CNTNAP2: variants seen among roughly 807,000 people sequenced by gnomAD.
The protein encoded by CNTNAP2 is contactin-associated protein-like 2.
A neutral mutation model predicts 155.2 loss-of-function variants in CNTNAP2; 98 were observed. The ratio of observed to expected loss-of-function variants is 0.63; its 90% CI spans 0.54 to 0.75. The LOEUF is 0.75. Ranked by LOEUF, CNTNAP2 falls within the 30% of genes least tolerant of loss-of-function variation. The probability of loss-of-function intolerance (pLI) is 0.00; values close to 1 mark genes in which losing one functional copy is unlikely to be tolerated. For synonymous variants in CNTNAP2, 651 were observed against 631.2 expected, an observed-to-expected ratio of 1.03 and a Z score of -0.47; for missense variants, 1,727 against 1,688.1, an observed-to-expected ratio of 1.02 and a Z score of -0.40.
intron 21 of CNTNAP2, among the ~76,000 whole-genome samples, chr7:148,282,153 CAA>C (rs1796985775): frequency 6.6e-6 from 1 of 152,114 alleles, no homozygotes; most frequent in Non-Finnish European, 1.5e-5. Context: ...AATATACTGT[CAA>C]TATCAGAATA....
intron 21 of CNTNAP2, among the ~76,000 whole-genome samples, chr7:148,280,036 T>C (rs1012766758): frequency 2.0e-5 from 3 of 152,098 alleles, no homozygotes; most frequent in Non-Finnish European, 2.9e-5. Flanking sequence ...AGGCCGGGCA[T>C]GGTGGCTGAC....
chr7:146,635,674 C>T (rs1799585718), intron 1 of CNTNAP2, among the ~76,000 whole-genome samples: 1 of 152,010 alleles, frequency 6.6e-6, no homozygotes, highest in Non-Finnish European at 1.5e-5. Flanking sequence ...CAGCAAAGCC[C>T]GTATGCTCCA....
At chr7:146,735,418 T>G (rs1407943308) in intron 1 of CNTNAP2, among the ~76,000 whole-genome samples, 2 of 151,914 alleles carry the variant, frequency 1.3e-5, no homozygotes, top group Non-Finnish European at 2.9e-5. Context: ...AGCCAGGCGT[T>G]GTGGCGGGGG....
intron 3 of CNTNAP2, among the ~76,000 whole-genome samples, chr7:146,963,551 C>T (rs927654151): frequency 2.0e-5 from 3 of 151,936 alleles, no homozygotes; most frequent in African/African-American, 7.3e-5. Flanking sequence ...CCCTTGTAAC[C>T]TGCTTATTTC....
At chr7:146,292,669 A>G (rs1800450450) in intron 1 of CNTNAP2, among the ~76,000 whole-genome samples, 1 of 152,146 alleles carries the variant, frequency 6.6e-6, no homozygotes. Context: ...AGATGTCTGC[A>G]CTCCCATGGT....
chr7:147,104,873 CATATATATAT>C (rs56674675), intron 4 of CNTNAP2, among the ~76,000 whole-genome samples: 1,051 of 101,332 alleles, frequency 0.01, 8 homozygotes, highest in South Asian at 0.032. Context: ...CTTCCTCCCT[CATATATATAT>C]ATATATATAT....
At chr7:146,740,245 T>C (rs1436051302) in intron 1 of CNTNAP2, among the ~76,000 whole-genome samples, 1 of 151,950 alleles carries the variant, frequency 6.6e-6, no homozygotes, top group Non-Finnish European at 1.5e-5. Context: ...ATGCTCTCTA[T>C]TGTATTGTTT....
chr7:146,174,870 G>A (rs1240424290), intron 1 of CNTNAP2, among the ~76,000 whole-genome samples: 1 of 151,958 alleles, frequency 6.6e-6, no homozygotes, highest in African/African-American at 2.4e-5. Flanking sequence ...TATAAAGAAA[G>A]CACCCAGAGG....
chr7:147,524,023 C>T (rs1799273585), intron 11 of CNTNAP2, among the ~76,000 whole-genome samples: 2 of 152,168 alleles, frequency 1.3e-5, no homozygotes, highest in South Asian at 4.1e-4. Flanking sequence ...AGCTGCAGTT[C>T]CACAGATGAC....
intron 1 of CNTNAP2, among the ~76,000 whole-genome samples, chr7:146,237,063 A>G (rs879171664): frequency 6.6e-6 from 1 of 152,206 alleles, no homozygotes; most frequent in Admixed American, 6.5e-5. Context: ...GGGGGGAGCT[A>G]AAACAAGACA....
chr7:146,441,072 C>T (rs2129119452), intron 1 of CNTNAP2, among the ~76,000 whole-genome samples: 1 of 151,538 alleles, frequency 6.6e-6, no homozygotes, highest in East Asian at 1.9e-4. Flanking sequence ...TTCACTTACT[C>T]ATAAGTTGAA....
chr7:147,793,267 G>A (rs966073400), intron 13 of CNTNAP2, among the ~76,000 whole-genome samples: 4 of 152,118 alleles, frequency 2.6e-5, no homozygotes, highest in Middle Eastern at 3.4e-3. Flanking sequence ...CTAATTCAAA[G>A]ACATGAAGAC....
chr7:147,132,468 A>G lies in CNTNAP2; in HGVS notation c.1307A>G (p.Asn436Ser). ...LTESKVGVHI[N>S]ITQTKMSQID... is the part of the protein sequence containing the mutation. ...GAAAGCAAAGTGGGTGTTCACATCA[A>G]CATCACACAGACCAAGATGAGCCAA... Residue 436 changes from asparagine (N) to serine (S), a missense_variant, in exon 8 of 24, where the codon AAC (asparagine) becomes AGC (serine). By Grantham distance (46) the Asn-to-Ser change is conservative. Coordinates refer to ENST00000361727, the MANE Select transcript of CNTNAP2 (RefSeq NM_014141.6). The G allele has an allele frequency of 2.5e-6, 4 of 1,613,682 alleles. No homozygotes were observed. Among genetic ancestry groups the G allele is most frequent in the East Asian group, 4.5e-5 (2 of 44,864 alleles).
chr7:147,298,132 CAA>C (rs1480666060), intron 8 of CNTNAP2, among the ~76,000 whole-genome samples: 1 of 152,012 alleles, frequency 6.6e-6, no homozygotes, highest in Non-Finnish European at 1.5e-5. Flanking sequence ...TTGATTGAAA[CAA>C]AATGTGCTCA....
chr7:147,000,904 C>G (rs187166336), intron 3 of CNTNAP2, among the ~76,000 whole-genome samples: 1 of 152,044 alleles, frequency 6.6e-6, no homozygotes, highest in Non-Finnish European at 1.5e-5. Flanking sequence ...TCTTGCAGGG[C>G]CTGGGGGTTC....
chr7:147,315,822 T>G (rs1036859028), intron 9 of CNTNAP2, among the ~76,000 whole-genome samples: 1 of 152,166 alleles, frequency 6.6e-6, no homozygotes, highest in African/African-American at 2.4e-5. Context: ...TAAAAAATTA[T>G]CTTTTATGAC....
intron 11 of CNTNAP2, among the ~76,000 whole-genome samples, chr7:147,507,192 G>C: frequency 6.6e-6 from 1 of 152,196 alleles, no homozygotes; most frequent in Non-Finnish European, 1.5e-5. Context: ...AGAGCTTCTG[G>C]TACCTAATAT....
intron 14 of CNTNAP2, among the ~76,000 whole-genome samples, chr7:147,941,406 G>A (rs1800719304): frequency 6.6e-6 from 1 of 152,206 alleles, no homozygotes. Context: ...TCTGGAAATA[G>A]GTCTCCTTCC....
At chr7:146,721,889 A>ATATATATTTTT in intron 1 of CNTNAP2, among the ~76,000 whole-genome samples, 4 of 69,736 alleles carry the variant, frequency 5.7e-5, no homozygotes, top group African/African-American at 5.7e-4. Context: ...ATATATATAT[A>ATATATATTTTT]TTTTTTTTTT....
Sources: allele counts gnomAD v4.1 joint callset (sites outside exome capture counted in the v4.1 genomes callset), GRCh38; gene constraint gnomAD v4.1.1; transcripts MANE v1.5; gene names NCBI Gene and HGNC (gene_info 2026-07-23, HGNC 2026-07-21).